Variants in KIRREL3 observed in about 807,000 individuals in gnomAD.
KIRREL3 encodes kirre like nephrin family adhesion molecule 3.
KIRREL3 carries 36 observed loss-of-function variants against 89.7 expected under a neutral mutation model. That is an observed-to-expected ratio of 0.40 (90% CI 0.31 to 0.53). KIRREL3 has a LOEUF of 0.53. KIRREL3 is among the 20% of genes least tolerant of loss of function. The probability of loss-of-function intolerance (pLI) is 0.49; values close to 1 mark genes in which losing one functional copy is unlikely to be tolerated. For missense variants in KIRREL3, 864 were observed against 1,056.6 expected, an observed-to-expected ratio of 0.82 and a Z score of 2.53; for synonymous variants, 445 against 441.4, an observed-to-expected ratio of 1.01 and a Z score of -0.10.
In KIRREL3 at chr11:126,754,538, G is replaced by C. The variant is rs1949431858; in HGVS notation, c.56-191626C>G. 6.6e-6 allele frequency among the ~76,000 whole-genome samples: 1 copy of C among 152,072 alleles called. No individual in the cohort carries two copies. The highest frequency in any genetic ancestry group is 1.5e-5 in the Non-Finnish European group (1 of 68,010). ...TTGGTTTAAGGCCTACAAACTGCAT[G>C]TCTTTGCTAGATACCGCTGAAGGGG... On this transcript the variant is annotated intron_variant, in intron 1 of 16. Coordinates refer to ENST00000525144, the MANE Select transcript of KIRREL3 (RefSeq NM_032531.4). The surrounding 1 kb of genome is among the most constrained non-coding windows in gnomAD (Gnocchi z 5.1).
At chr11:126,453,936 C>A (rs1222360757) in intron 7 of KIRREL3, among the ~76,000 whole-genome samples, 1 of 152,162 alleles carries the variant, frequency 6.6e-6, no homozygotes, top group African/African-American at 2.4e-5. Context: ...ATACTGTGAG[C>A]TCCAGGGGAG....
chr11:126,863,402 CGTGAGTGCGTGTGTGAGCGCATGTGT>C (rs1944775603), intron 1 of KIRREL3, among the ~76,000 whole-genome samples: 3 of 118,412 alleles, frequency 2.5e-5, no homozygotes, highest in South Asian at 2.8e-4. Flanking sequence ...TGTGTGAGTG[CGTGAGTGCGTGTGTGAGCGCATGTGT>C]GTGAGTGCGT....
At chr11:126,613,684 G>A (rs1265510835) in intron 1 of KIRREL3, among the ~76,000 whole-genome samples, 2 of 151,996 alleles carry the variant, frequency 1.3e-5, no homozygotes, top group African/African-American at 2.4e-5. Flanking sequence ...ATGCCTTCCT[G>A]ACAAGTTCTA....
chr11:126,801,328 A>G (rs1951026005), intron 1 of KIRREL3, among the ~76,000 whole-genome samples: 1 of 152,154 alleles, frequency 6.6e-6, no homozygotes, highest in Non-Finnish European at 1.5e-5. Context: ...AAATGTTTTG[A>G]GTTTCCACTT....
chr11:126,953,729 T>C lies in KIRREL3; in HGVS notation c.55+46726A>G, dbSNP rs1948840243. Among the ~76,000 whole-genome samples, 1 of 152,182 alleles carries C rather than the reference T, an allele frequency of 6.6e-6. No homozygotes were observed. The highest frequency in any genetic ancestry group is 2.1e-4 in the South Asian group (1 of 4,830). ...TTTGCAAAAGAGTAATTCTGACACA[T>C]TTAAACCACAGACTAGCAGGAAAGA... On this transcript the variant is annotated intron_variant, in intron 1 of 16. Coordinates refer to ENST00000525144, the MANE Select transcript of KIRREL3 (RefSeq NM_032531.4). The surrounding 1 kb of genome is among the most constrained non-coding windows in gnomAD (Gnocchi z 5.2).
In KIRREL3 at chr11:126,564,246, G is replaced by A. The variant is rs1940347454; in HGVS notation, c.56-1334C>T. Among the ~76,000 whole-genome samples the A allele has an allele frequency of 6.6e-6, 1 of 152,196 alleles. No individual in the cohort carries two copies. Among genetic ancestry groups the A allele is most frequent in the African/African-American group, 2.4e-5 (1 of 41,446 alleles). On this transcript the variant is annotated intron_variant, in intron 1 of 16. Transcript: ENST00000525144. The surrounding 1 kb of genome is among the most constrained non-coding windows in gnomAD (Gnocchi z 7.4). ...GCCAGTCAGTGTCTAGGCTCAAGAG[G>A]ATAGACGGAGCGGGTCATTCCTCTT...
rs1256617798 is a variant in KIRREL3, at chr11:126,739,038, T to C, written c.56-176126A>G. 6.6e-6 allele frequency among the ~76,000 whole-genome samples: 1 copy of C among 152,228 alleles called. No individual in the cohort carries two copies. The highest frequency in any genetic ancestry group is 1.5e-5 in the Non-Finnish European group (1 of 68,036). Reference sequence around the variant, plus strand: ...ACAACAATCTTGAAAGGCGGGTATATATGATACAAACGGTACAAATGAAGA... The same window carrying C: ...ACAACAATCTTGAAAGGCGGGTATACATGATACAAACGGTACAAATGAAGA... On this transcript the variant is annotated intron_variant, in intron 1 of 16. Coordinates refer to ENST00000525144, the MANE Select transcript of KIRREL3 (RefSeq NM_032531.4). This position sits in a 1 kb window ranked among gnomAD's most constrained non-coding sequence, Gnocchi z 5.5.
chr11:126,540,009 T>C (rs1471811548), intron 2 of KIRREL3, among the ~76,000 whole-genome samples: 1 of 152,108 alleles, frequency 6.6e-6, no homozygotes, highest in African/African-American at 2.4e-5. Flanking sequence ...TTTGCACAGG[T>C]TTTGAACCAT....
chr11:126,753,133 C>G (rs1949389125), intron 1 of KIRREL3, among the ~76,000 whole-genome samples: 1 of 152,190 alleles, frequency 6.6e-6, no homozygotes, highest in South Asian at 2.1e-4. Flanking sequence ...AAATCCTGCT[C>G]TAGGAAAGAC....
At chr11:126,532,635 C>T (rs1002393312) in intron 2 of KIRREL3, among the ~76,000 whole-genome samples, 1 of 151,930 alleles carries the variant, frequency 6.6e-6, no homozygotes, top group African/African-American at 2.4e-5. Context: ...CTCGGCTTCC[C>T]AAAGTGCTAG....
At chr11:126,847,162 A>G (rs1298200621) in intron 1 of KIRREL3, among the ~76,000 whole-genome samples, 1 of 152,224 alleles carries the variant, frequency 6.6e-6, no homozygotes, top group Non-Finnish European at 1.5e-5. Context: ...CTTTTTTGGT[A>G]TAAAAATCAT....
intron 1 of KIRREL3, among the ~76,000 whole-genome samples, chr11:126,959,230 A>G (rs773372881): frequency 5.6e-4 from 85 of 152,178 alleles, no homozygotes; most frequent in Admixed American, 7.9e-4. Context: ...CAGCCTCCAT[A>G]CTTACACAGA....
At chr11:126,841,619 C>T (rs1230400084) in intron 1 of KIRREL3, among the ~76,000 whole-genome samples, 5 of 152,204 alleles carry the variant, frequency 3.3e-5, no homozygotes, top group African/African-American at 7.2e-5. Context: ...ATCCCCAGGA[C>T]CAAGTTCCAT....
intron 1 of KIRREL3, among the ~76,000 whole-genome samples, chr11:126,759,123 A>G (rs1292746570): frequency 6.6e-6 from 1 of 152,034 alleles, no homozygotes; most frequent in Non-Finnish European, 1.5e-5. Context: ...CTTTGTGGGT[A>G]TTTTTGTTGT....
chr11:126,508,240 T>C lies in KIRREL3; in HGVS notation c.433+13075A>G, dbSNP rs1958090653. Among the ~76,000 whole-genome samples, 3 of 152,216 alleles carry C rather than the reference T, an allele frequency of 2.0e-5. No individual in the cohort carries two copies. Among genetic ancestry groups the C allele is most frequent in the Admixed American group, 1.3e-4 (2 of 15,276 alleles). ...GACACATTTTTTGGAAGCCAGTTTT[T>C]TCGGGTTGTGGGACTCAGCTATTTA... On this transcript the variant is annotated intron_variant, in intron 4 of 16. Transcript: ENST00000525144. The surrounding 1 kb of genome is among the most constrained non-coding windows in gnomAD (Gnocchi z 4.9).
At position 126,605,254 on chromosome 11, in the gene KIRREL3, A is replaced by G. The variant is rs1321674937; in HGVS notation, c.56-42342T>C. Among the ~76,000 whole-genome samples, 1 of 152,154 alleles carries G rather than the reference A, an allele frequency of 6.6e-6. No homozygotes were observed. The highest frequency in any genetic ancestry group is 1.5e-5 in the Non-Finnish European group (1 of 68,032). The stretch of plus-strand genomic sequence containing the variant: ...TCACATTTGCAGTTGGTGCCTCCTT[A>G]GTCACTGCCAGGATTCCAGGCAGGT... On this transcript the variant is annotated intron_variant, in intron 1 of 16. Coordinates refer to ENST00000525144, the MANE Select transcript of KIRREL3 (RefSeq NM_032531.4). This position sits in a 1 kb window ranked among gnomAD's most constrained non-coding sequence, Gnocchi z 5.7.
At chr11:126,586,876 A>G (rs1941887578) in intron 1 of KIRREL3, among the ~76,000 whole-genome samples, 1 of 152,120 alleles carries the variant, frequency 6.6e-6, no homozygotes, top group African/African-American at 2.4e-5. Context: ...GCTTGTAGAG[A>G]GATCTTGAGG....
chr11:126,706,027 A>C (rs1947516054), intron 1 of KIRREL3, among the ~76,000 whole-genome samples: 1 of 152,232 alleles, frequency 6.6e-6, no homozygotes, highest in South Asian at 2.1e-4. Context: ...CCTAGTCAAC[A>C]GCCAGTGCTG....
chr11:126,786,007 C>T (rs113873547), intron 1 of KIRREL3, among the ~76,000 whole-genome samples: 29 of 149,730 alleles, frequency 1.9e-4, no homozygotes, highest in African/African-American at 7.1e-4. Flanking sequence ...TAAGTGATGT[C>T]ACTTTTGTCA....
Sources: allele counts gnomAD v4.1 joint callset (sites outside exome capture counted in the v4.1 genomes callset), GRCh38; gene constraint gnomAD v4.1.1; non-coding constraint Gnocchi (gnomAD v3.1); transcripts MANE v1.5; gene names NCBI Gene and HGNC (gene_info 2026-07-23, HGNC 2026-07-21).